ZNF469: variants seen among roughly 807,000 people sequenced by gnomAD.
ZNF469 encodes zinc finger protein 469.
A neutral mutation model predicts 1.0 loss-of-function variants in ZNF469; 1 was observed. The ratio of observed to expected loss-of-function variants is 1.00; its 90% CI spans 0.35 to 4.73. ZNF469 has a LOEUF of 4.73. ZNF469 is among the 30% of genes most tolerant of loss of function. ZNF469 has a pLI of 0.16. For missense variants in ZNF469, 6,100 were observed against 5,356.3 expected (o/e 1.14, Z -4.33); for synonymous variants, 2,703 against 2,363.4 (o/e 1.14, Z -4.17).
rs768452919 is a variant in ZNF469, at chr16:88,436,210, G to C, written c.8740G>C (p.Asp2914His). ...GPARLPTDLS[D>H]SSSLCLCHED... ...AGCCCGCCTGCCCACGGACCTCAGC[G>C]ACTCCAGCTCCCTCTGCCTCTGCCA... The change falls in exon 3 of 3, where the codon GAC becomes CAC. Residue 2914 changes from aspartate (D) to histidine (H), a missense_variant. Asp to His is a moderately conservative substitution (Grantham distance 81, BLOSUM62 -1). Transcript: ENST00000565624. 6.5e-7 allele frequency: 1 copy of C among 1,548,376 alleles called. No homozygotes were observed. Among genetic ancestry groups the C allele is most frequent in the East Asian group, 2.4e-5 (1 of 40,928 alleles).
At chr16:88,204,733 A>G in the ZNF469 span, among the ~76,000 whole-genome samples, 1 of 152,128 alleles carries the variant, frequency 6.6e-6, no homozygotes, top group Non-Finnish European at 1.5e-5. Flanking sequence ...TGTGGTCTCA[A>G]ATGACTTTGC....
the ZNF469 span, among the ~76,000 whole-genome samples, chr16:88,145,039 A>T: frequency 3.3e-5 from 5 of 151,746 alleles, no homozygotes; most frequent in African/African-American, 1.2e-4. Flanking sequence ...TAGTAGAGAC[A>T]GGGTTTCACC....
At chr16:88,414,979 G>A (rs1454257350) in intron 1 of ZNF469, among the ~76,000 whole-genome samples, 1 of 152,242 alleles carries the variant, frequency 6.6e-6, no homozygotes, top group Non-Finnish European at 1.5e-5. Context: ...GCCGCGCCAG[G>A]GCCCAGGTAG....
the ZNF469 span, among the ~76,000 whole-genome samples, chr16:88,194,116 C>T: frequency 5.3e-5 from 8 of 152,188 alleles, no homozygotes; most frequent in Non-Finnish European, 1.2e-4. Context: ...GTTTATTCCC[C>T]CCTCCGCCAC....
At chr16:88,361,354 C>T in the ZNF469 span, among the ~76,000 whole-genome samples, 4 of 152,172 alleles carry the variant, frequency 2.6e-5, no homozygotes, top group African/African-American at 9.7e-5. Flanking sequence ...GACCCCTGCC[C>T]TAGAGGAAGC....
At chr16:88,290,135 G>C in the ZNF469 span, among the ~76,000 whole-genome samples, 1 of 152,246 alleles carries the variant, frequency 6.6e-6, no homozygotes, top group Admixed American at 6.5e-5. Flanking sequence ...GAGGCACTTA[G>C]AGTGCCGGGA....
At position 88,439,354 on chromosome 16, in the gene ZNF469, G is replaced by T; in HGVS notation, c.*22G>T. ...GTAATTTCTAGGAGCAAGAGCCTGG[G>T]ACCGGAGCTGGGCGTTCCTGTCTCG... On this transcript the variant is annotated 3_prime_UTR_variant, in exon 3 of 3. Coordinates refer to ENST00000565624, the MANE Select transcript of ZNF469 (RefSeq NM_001367624.2). 6.5e-7 allele frequency: 1 copy of T among 1,549,932 alleles called. No individual in the cohort carries two copies. Among genetic ancestry groups the T allele is most frequent in the South Asian group, 1.2e-5 (1 of 83,918 alleles).
chr16:88,138,607 G>T, the ZNF469 span, among the ~76,000 whole-genome samples: 1 of 152,322 alleles, frequency 6.6e-6, no homozygotes, highest in East Asian at 1.9e-4. Context: ...GTCATGAAAG[G>T]TTGGTTCTGC....
At chr16:88,366,623 CTATCAG>C in the ZNF469 span, among the ~76,000 whole-genome samples, 1 of 45,502 alleles carries the variant, frequency 2.2e-5, no homozygotes, top group Non-Finnish European at 9.2e-5. Flanking sequence ...ATCATCACCA[CTATCAG>C]CACCATCACC....
At chr16:88,114,468 GAC>G in the ZNF469 span, among the ~76,000 whole-genome samples, 1 of 138,386 alleles carries the variant, frequency 7.2e-6, no homozygotes, top group African/African-American at 2.9e-5. Flanking sequence ...CACACTCACT[GAC>G]TGCGGGGGTC....
the ZNF469 span, among the ~76,000 whole-genome samples, chr16:88,193,126 G>GTGATGGTGTTGA: frequency 2.6e-3 from 14 of 5,448 alleles, no homozygotes; most frequent in Admixed American, 9.9e-3. Flanking sequence ...GATGGTGGTG[G>GTGATGGTGTTGA]TGGTGATGGT....
the ZNF469 span, among the ~76,000 whole-genome samples, chr16:88,306,399 T>C: frequency 5.9e-5 from 9 of 152,366 alleles, no homozygotes; most frequent in East Asian, 1.7e-3. Flanking sequence ...TTGTTCTCTG[T>C]AGGTGTGTGG....
the ZNF469 span, among the ~76,000 whole-genome samples, chr16:88,286,310 T>C: frequency 6.6e-6 from 1 of 152,260 alleles, no homozygotes; most frequent in East Asian, 1.9e-4. Context: ...ATTCGCTCCT[T>C]GGAGTCCTGG....
At chr16:88,248,330 C>A in the ZNF469 span, among the ~76,000 whole-genome samples, 1 of 152,198 alleles carries the variant, frequency 6.6e-6, no homozygotes, top group Non-Finnish European at 1.5e-5. Context: ...TCAAATGGAT[C>A]CGTGTCTTTG....
At chr16:88,402,358 G>C (rs1053382750) in intron 1 of ZNF469, among the ~76,000 whole-genome samples, 1 of 152,124 alleles carries the variant, frequency 6.6e-6, no homozygotes, top group African/African-American at 2.4e-5. Flanking sequence ...TCAAGAACTG[G>C]GCCCCAGTTA....
At chr16:88,293,331 T>C in the ZNF469 span, among the ~76,000 whole-genome samples, 1 of 150,778 alleles carries the variant, frequency 6.6e-6, no homozygotes, top group South Asian at 2.1e-4. Context: ...GATGGATGGA[T>C]GGATGGATGG....
the ZNF469 span, among the ~76,000 whole-genome samples, chr16:88,375,031 C>T: frequency 6.6e-6 from 1 of 152,254 alleles, no homozygotes; most frequent in African/African-American, 2.4e-5. Flanking sequence ...AGCGCTGGGA[C>T]TGTGCACACA....
chr16:88,430,711 C>G lies in ZNF469; in HGVS notation c.3241C>G (p.Arg1081Gly), dbSNP rs943749345. 3.4e-6 allele frequency: 5 copies of G among 1,478,774 alleles called. No individual in the cohort carries two copies. Among genetic ancestry groups the G allele is most frequent in the East Asian group, 2.7e-5 (1 of 36,942 alleles). The allele number at this position is 1,478,774 out of a possible 1,614,324, so 91.6% of individuals were successfully genotyped here. The change falls in exon 3 of 3, where the codon CGG becomes GGG. Residue 1081 changes from arginine (R) to glycine (G), a missense_variant. Coordinates refer to ENST00000565624, the MANE Select transcript of ZNF469 (RefSeq NM_001367624.2). ...RCGSLAAGRP[R>G]PGAEDRRLRE... The stretch of plus-strand genomic sequence containing the variant: ...CGGCTCCCTGGCGGCGGGGAGGCCC[C>G]GGCCCGGAGCTGAGGACCGCAGGCT...
chr16:88,330,732 C>G, the ZNF469 span, among the ~76,000 whole-genome samples: 1 of 152,192 alleles, frequency 6.6e-6, no homozygotes, highest in Non-Finnish European at 1.5e-5. Flanking sequence ...CTCCCATGAT[C>G]TCTCCTGCTG....
Sources: allele counts gnomAD v4.1 joint callset (sites outside exome capture counted in the v4.1 genomes callset), GRCh38; gene constraint gnomAD v4.1.1; transcripts MANE v1.5; gene names NCBI Gene and HGNC (gene_info 2026-07-23, HGNC 2026-07-21).